Variants in ABAT observed in about 807,000 individuals in gnomAD.
The protein encoded by ABAT is 4-aminobutyrate aminotransferase.
In ABAT, 45 loss-of-function variants were observed where a neutral mutation model predicts 64.6. The ratio of observed to expected loss-of-function variants is 0.70; its 90% CI spans 0.55 to 0.89. The LOEUF is 0.89. ABAT is among the 40% of genes least tolerant of loss of function. The probability of loss-of-function intolerance (pLI) is 0.00; values close to 1 mark genes in which losing one functional copy is unlikely to be tolerated. For missense variants in ABAT, 633 were observed against 658.4 expected (o/e 0.96, Z 0.42); for synonymous variants, 297 against 250.5 (o/e 1.19, Z -1.75).
At chr16:8,733,321 G>C (rs1332299998) in intron 1 of ABAT, among the ~76,000 whole-genome samples, 1 of 151,102 alleles carries the variant, frequency 6.6e-6, no homozygotes, top group African/African-American at 2.5e-5. Flanking sequence ...GATGGCGGCC[G>C]GGCGGAGACG....
chr16:8,709,208 C>T (rs1640979), intron 1 of ABAT, among the ~76,000 whole-genome samples: 105,777 of 151,806 alleles, frequency 0.7, 37,542 homozygotes, highest in East Asian at 0.85. Flanking sequence ...TCTTTATTTT[C>T]AGTGCTTTAT....
chr16:8,743,064 A>C (rs1018265541), intron 2 of ABAT, among the ~76,000 whole-genome samples: 1 of 149,876 alleles, frequency 6.7e-6, no homozygotes, highest in African/African-American at 2.4e-5. Flanking sequence ...GCTCTCTTCT[A>C]ATGGAATACT....
At chr16:8,710,814 A>T (rs72768191) in intron 1 of ABAT, among the ~76,000 whole-genome samples, 4,229 of 151,922 alleles carry the variant, frequency 0.028, 98 homozygotes, top group South Asian at 0.11. Context: ...GGATTCTCTC[A>T]ACTTTCCAAG....
At chr16:8,734,981 G>T (rs770102048) in intron 1 of ABAT, among the ~76,000 whole-genome samples, 1 of 151,712 alleles carries the variant, frequency 6.6e-6, no homozygotes, top group East Asian at 1.9e-4. Flanking sequence ...GCCAAGGCAG[G>T]CAGATTACTT....
chr16:8,722,923 A>G, intron 1 of ABAT: 1 of 1,238,274 alleles, frequency 8.1e-7, no homozygotes. Context: ...GGTGTTTCTT[A>G]GAGTCCGAAC....
intron 1 of ABAT, among the ~76,000 whole-genome samples, chr16:8,680,393 C>T (rs1208570365): frequency 1.3e-5 from 2 of 152,144 alleles, no homozygotes; most frequent in African/African-American, 4.8e-5. Flanking sequence ...ATACACATAA[C>T]ATGAAATTGA....
intron 1 of ABAT, among the ~76,000 whole-genome samples, chr16:8,721,828 A>C (rs1379996662): frequency 3.3e-5 from 5 of 152,198 alleles, no homozygotes; most frequent in Admixed American, 6.5e-5. Flanking sequence ...ACACGAAGGA[A>C]GCAGAGAGAG....
intron 1 of ABAT, among the ~76,000 whole-genome samples, chr16:8,731,729 C>G (rs910181689): frequency 3.3e-5 from 5 of 151,924 alleles, no homozygotes; most frequent in Non-Finnish European, 5.9e-5. Context: ...ATTATAAGCA[C>G]TTTTGTTGTA....
At chr16:8,766,064 C>A in intron 8 of ABAT, 144 bp from the exon 9 acceptor site, 1 of 759,668 alleles carries the variant, frequency 1.3e-6, no homozygotes. Context: ...CGTTTCAGTA[C>A]AGACCTGCAA....
At chr16:8,689,943 C>T (rs1421248567) in intron 1 of ABAT, among the ~76,000 whole-genome samples, 2 of 152,130 alleles carry the variant, frequency 1.3e-5, no homozygotes, top group African/African-American at 2.4e-5. Flanking sequence ...GGTTTTTATA[C>T]CTAGAACAAC....
intron 2 of ABAT, among the ~76,000 whole-genome samples, chr16:8,742,190 T>C (rs996319005): frequency 6.6e-6 from 1 of 152,194 alleles, no homozygotes. Context: ...TGTTTCCCCA[T>C]GGCCTTGACA....
chr16:8,693,259 C>T (rs757100031), intron 1 of ABAT, among the ~76,000 whole-genome samples: 12 of 152,114 alleles, frequency 7.9e-5, no homozygotes, highest in Non-Finnish European at 1.8e-4. Context: ...TTAGCCTCTA[C>T]GTATATTTTA....
chr16:8,755,866 G>A (rs1212397947), intron 5 of ABAT, among the ~76,000 whole-genome samples: 5 of 152,164 alleles, frequency 3.3e-5, no homozygotes, highest in Non-Finnish European at 4.4e-5. Context: ...TGGGTAACAC[G>A]ATGAAACCCC....
At chr16:8,735,300 G>A (rs764110366) in intron 1 of ABAT, among the ~76,000 whole-genome samples, 3 of 151,902 alleles carry the variant, frequency 2.0e-5, no homozygotes, top group Non-Finnish European at 4.4e-5. Context: ...CACCCAGGCT[G>A]GAGAGCAGTG....
intron 1 of ABAT, among the ~76,000 whole-genome samples, chr16:8,723,292 G>C (rs895437662): frequency 1.3e-5 from 2 of 152,140 alleles, no homozygotes; most frequent in Non-Finnish European, 2.9e-5. Flanking sequence ...CTTCATCCAG[G>C]AGAAGGATGA....
intron 1 of ABAT, among the ~76,000 whole-genome samples, chr16:8,683,758 C>A (rs1316060659): frequency 6.6e-6 from 1 of 152,126 alleles, no homozygotes; most frequent in Non-Finnish European, 1.5e-5. Flanking sequence ...TGAGTACTTA[C>A]TAGACTCCAG....
chr16:8,738,891 C>A (rs1399604708), intron 2 of ABAT, among the ~76,000 whole-genome samples: 8 of 152,156 alleles, frequency 5.3e-5, no homozygotes, highest in Admixed American at 5.2e-4. Flanking sequence ...GTGATCCACC[C>A]ATCTTGGCCT....
intron 2 of ABAT, among the ~76,000 whole-genome samples, chr16:8,741,436 A>G (rs1337265440): frequency 1.3e-5 from 2 of 152,258 alleles, no homozygotes; most frequent in Non-Finnish European, 2.9e-5. Context: ...GATCTTGGGC[A>G]AATTAATTAA....
In ABAT at chr16:8,735,731, C is replaced by T; in HGVS notation, c.-9C>T. The T allele has an allele frequency of 1.3e-6, 2 of 1,598,706 alleles. No individual in the cohort carries two copies. Among genetic ancestry groups the T allele is most frequent in the Non-Finnish European group, 1.7e-6 (2 of 1,172,444 alleles). ...GCACGCAAAGGGTGTCCCTGTCCCT[C>T]AAGGGGTCATGGCCTCCATGTTGCT... On this transcript the variant is annotated 5_prime_UTR_variant, in exon 2 of 16. Transcript: ENST00000268251.
Sources: gnomAD v4.1 joint callset for allele counts (sites outside exome capture counted in the v4.1 genomes callset) on GRCh38, gnomAD v4.1.1 for gene constraint, MANE v1.5 for transcripts, NCBI Gene and HGNC (gene_info 2026-07-23, HGNC 2026-07-21) for gene names.